PALS1: variants seen among roughly 807,000 people sequenced by gnomAD.
PALS1 encodes the protein protein associated with LIN7 1, MAGUK p55 family member, also known as protein PALS1.
PALS1 carries 31 observed loss-of-function variants against 78.9 expected under a neutral mutation model. The ratio of observed to expected loss-of-function variants is 0.39; its 90% CI spans 0.30 to 0.53. The LOEUF (loss-of-function observed/expected upper bound fraction) is 0.53. PALS1 is among the 20% of genes least tolerant of loss of function. The pLI, the probability that PALS1 is intolerant of heterozygous loss-of-function variation, is 0.67. For missense variants in PALS1, 704 were observed against 826.5 expected, an observed-to-expected ratio of 0.85 and a Z score of 1.82; for synonymous variants, 276 against 270.9, an observed-to-expected ratio of 1.02 and a Z score of -0.18.
chr14:67,321,198 T>C lies in PALS1; in HGVS notation c.1679T>C (p.Ile560Thr). 1 of 1,614,230 alleles carries C rather than the reference T, an allele frequency of 6.2e-7. No individual in the cohort carries two copies. Among genetic ancestry groups the C allele is most frequent in the Middle Eastern group, 1.6e-4 (1 of 6,062 alleles). ...EFEKNLYGTS[I>T]DSVRQVINSG... ...GAGAAGAATTTGTATGGAACTAGCA[T>C]AGATTCTGTACGGCAAGTGATCAAC... The change falls in exon 13 of 15, where the codon ATA (isoleucine) becomes ACA (threonine). Residue 560 changes from isoleucine (I) to threonine (T), a missense_variant. Ile to Thr is a moderately conservative substitution (Grantham distance 89, BLOSUM62 -1). Coordinates refer to ENST00000261681, the MANE Select transcript of PALS1 (RefSeq NM_022474.4).
At chr14:67,271,707 T>C (rs1301104571) in intron 2 of PALS1, 1 of 152,148 alleles carries the variant, frequency 6.6e-6, no homozygotes, top group Non-Finnish European at 1.5e-5. Flanking sequence ...TTAAAGAGAA[T>C]AGGAGATTAA....
At chr14:67,322,952 T>G (rs1704267426) in intron 13 of PALS1, among the ~76,000 whole-genome samples, 1 of 152,208 alleles carries the variant, frequency 6.6e-6, no homozygotes, top group African/African-American at 2.4e-5. Context: ...TTGAATTGTC[T>G]TGCACATGTG....
rs1229125753 is a variant in PALS1, at chr14:67,315,354, G to T, written c.1226-1478G>T. Among the ~76,000 whole-genome samples, 7 of 132,738 alleles carry T rather than the reference G, an allele frequency of 5.3e-5. No homozygotes were observed. In the South Asian group the frequency reaches 1.2e-3, roughly 22 times the overall value. The allele number at this position is 132,738 out of a possible 152,430, so 87.1% of individuals were successfully genotyped here. A position where few individuals can be genotyped will look rare whatever the true frequency, so the allele number is the denominator to read the frequency against. On this transcript the variant is annotated intron_variant, in intron 9 of 14. Transcript: ENST00000261681. Reference sequence around the variant, plus strand: ...TGCAGTGGCATGATCTCAGCTCACTGCAAGCTCCGCCTCCCGGGCTCATGC... The same window carrying T: ...TGCAGTGGCATGATCTCAGCTCACTTCAAGCTCCGCCTCCCGGGCTCATGC...
intron 2 of PALS1, among the ~76,000 whole-genome samples, chr14:67,273,160 A>T (rs2084438280): frequency 6.6e-6 from 1 of 150,768 alleles, no homozygotes. Flanking sequence ...GTACATGTGC[A>T]CAACGTGCAG....
Position 67,321,255 on chromosome 14 carries a change from C to T in PALS1, c.1736C>T (p.Thr579Ile), listed in dbSNP as rs1566578660. The T allele has an allele frequency of 6.2e-7, 1 of 1,613,942 alleles. No homozygotes were observed. The highest frequency in any genetic ancestry group is 8.5e-7 in the Non-Finnish European group (1 of 1,179,868). ...SGKICLLSLR[T>I]QSLKTLRNSD... ...AAAATATGTCTTTTAAGTCTTCGTACACAGGTAAAGCTAGAACTTTGTTTT... is the reference window on the plus strand; with the variant it reads ...AAAATATGTCTTTTAAGTCTTCGTATACAGGTAAAGCTAGAACTTTGTTTT... Residue 579 changes from threonine (T) to isoleucine (I), a missense_variant, in exon 13 of 15, where the codon ACA becomes ATA. Physicochemically the swap from Thr to Ile is moderately conservative, Grantham distance 89 (BLOSUM62 -1). Transcript: ENST00000261681.
chr14:67,334,461 ACAT>A lies in PALS1; in HGVS notation c.*1509_*1511del, dbSNP rs2085498952. 6.6e-6 allele frequency: 1 copy of A among 152,622 alleles called. No homozygotes were observed. Among genetic ancestry groups the A allele is most frequent in the Non-Finnish European group, 1.5e-5 (1 of 68,030 alleles). 9.5% of individuals were successfully genotyped at this position (152,622 alleles called of 1,614,324 possible). A position where few individuals can be genotyped will look rare whatever the true frequency, so the allele number is the denominator to read the frequency against. On this transcript the variant is annotated 3_prime_UTR_variant, in exon 15 of 15. Transcript: ENST00000261681. The stretch of plus-strand genomic sequence containing the variant: ...AGAGCTAAACACTGGAATAATACTG[ACAT>A]CATTTAATTTAACATAAGCAATTAT...
intron 1 of PALS1, among the ~76,000 whole-genome samples, chr14:67,251,577 C>A (rs1329760191): frequency 6.9e-6 from 1 of 145,610 alleles, no homozygotes; most frequent in Non-Finnish European, 1.5e-5. Flanking sequence ...GAACTTTGAG[C>A]CTGTAAATTG....
In PALS1 at chr14:67,252,507, C is replaced by T. The variant is rs910355637; in HGVS notation, c.-237+10974C>T. On this transcript the variant is annotated intron_variant, in intron 1 of 14. Transcript: ENST00000261681. ...GGTCATGGGAACCCCTGATGAATAG[C>T]TGGGTGGTGTGAAGTACAGGAGGCC... 5.3e-5 allele frequency among the ~76,000 whole-genome samples: 8 copies of T among 152,242 alleles called. No individual in the cohort carries two copies. In the East Asian group the frequency reaches 1.5e-3, roughly 29 times the overall value.
rs754932680 is a variant in PALS1, at chr14:67,292,526, T to G, written c.383T>G (p.Phe128Cys). ...CTTCTACTAGAAATAGAAGACTTGT[T>G]TTCTTCACTTAAACATATCCAACAT... ...AVKILEIEDL[F>C]SSLKHIQHTL... The change falls in exon 4 of 15, where the codon TTT (phenylalanine) becomes TGT (cysteine). Residue 128 changes from phenylalanine (F) to cysteine (C), a missense_variant. Phe to Cys is a radical substitution (Grantham distance 205). Transcript: ENST00000261681. 5.6e-6 allele frequency: 9 copies of G among 1,610,868 alleles called. No individual in the cohort carries two copies. Among genetic ancestry groups the G allele is most frequent in the Non-Finnish European group, 7.6e-6 (9 of 1,177,396 alleles).
At chr14:67,305,741 A>G (rs2084993226) in intron 8 of PALS1, among the ~76,000 whole-genome samples, 2 of 152,236 alleles carry the variant, frequency 1.3e-5, no homozygotes, top group African/African-American at 4.8e-5. Flanking sequence ...CAATTAACTT[A>G]CACAGATTGT....
At chr14:67,314,136 A>G (rs937982412) in intron 9 of PALS1, among the ~76,000 whole-genome samples, 5 of 152,170 alleles carry the variant, frequency 3.3e-5, no homozygotes, top group Non-Finnish European at 5.9e-5. Context: ...AGATTTGGCT[A>G]TAGACTTAGC....
At position 67,279,432 on chromosome 14, in the gene PALS1, A is replaced by C; in HGVS notation, c.262A>C (p.Lys88Gln). Reference protein sequence around the residue: ...ELDLNSSMRLKKLAQIPPKTG... With the variant: ...ELDLNSSMRLQKLAQIPPKTG... ...TGACCTTAATTCTTCCATGAGACTT[A>C]AGAAACTAGCCCAAATTCCTCCAAA... Residue 88 changes from lysine to glutamine, a missense_variant, in exon 3 of 15, where the codon AAG (lysine) becomes CAG (glutamine). Transcript: ENST00000261681. 4 of 1,613,958 alleles carry C rather than the reference A, an allele frequency of 2.5e-6. No individual in the cohort carries two copies. Among genetic ancestry groups the C allele is most frequent in the Non-Finnish European group, 3.4e-6 (4 of 1,179,922 alleles).
At chr14:67,255,018 G>A (rs1368226072) in intron 1 of PALS1, among the ~76,000 whole-genome samples, 2 of 152,062 alleles carry the variant, frequency 1.3e-5, no homozygotes, top group East Asian at 1.9e-4. Context: ...GTGTGGTGGC[G>A]CACGCCTGTA....
At chr14:67,295,496 A>AT (rs1203154659) in intron 4 of PALS1, among the ~76,000 whole-genome samples, 1 of 151,942 alleles carries the variant, frequency 6.6e-6, no homozygotes, top group East Asian at 1.9e-4. Context: ...TCTCAAAAAA[A>AT]AAAAAACTCT....
At chr14:67,325,664 A>C (rs1303665302) in intron 14 of PALS1, among the ~76,000 whole-genome samples, 1 of 152,190 alleles carries the variant, frequency 6.6e-6, no homozygotes, top group East Asian at 1.9e-4. Flanking sequence ...TAAGGACCAG[A>C]GTGTACTCCA....
chr14:67,277,769 G>A (rs2084529393), intron 2 of PALS1, among the ~76,000 whole-genome samples: 3 of 152,000 alleles, frequency 2.0e-5, no homozygotes, highest in Non-Finnish European at 4.4e-5. Context: ...GTTAATACTG[G>A]TAATTAATGT....
chr14:67,291,145 A>G (rs2084765931), intron 3 of PALS1, among the ~76,000 whole-genome samples: 1 of 152,136 alleles, frequency 6.6e-6, no homozygotes, highest in Admixed American at 6.5e-5. Context: ...AATATTGGAA[A>G]ACGATTCCCA....
chr14:67,329,543 C>G (rs10144002), intron 14 of PALS1, among the ~76,000 whole-genome samples: 1 of 152,060 alleles, frequency 6.6e-6, no homozygotes, highest in South Asian at 2.1e-4. Context: ...AGAGGGCATC[C>G]CTGTCTTGCG....
chr14:67,245,175 G>A (rs536171588), intron 1 of PALS1, among the ~76,000 whole-genome samples: 1 of 152,286 alleles, frequency 6.6e-6, no homozygotes, highest in African/African-American at 2.4e-5. Context: ...GTTGTTTTAA[G>A]CCACTAAATT....
Sources: allele counts gnomAD v4.1 joint callset (sites outside exome capture counted in the v4.1 genomes callset), GRCh38; gene constraint gnomAD v4.1.1; transcripts MANE v1.5; gene names NCBI Gene and HGNC (gene_info 2026-07-23, HGNC 2026-07-21).